NCAM1: variants seen among roughly 807,000 people sequenced by gnomAD.
The protein encoded by NCAM1 is antigen recognized by monoclonal antibody 5.1H11.
In NCAM1, 14 loss-of-function variants were observed where a neutral mutation model predicts 109.8. The observed-to-expected ratio is 0.13, with a 90% CI of 0.08 to 0.20. The LOEUF is 0.20. Among genes scored for constraint, NCAM1 ranks in the 10% least tolerant of loss-of-function variants. The pLI is 1.00. For missense variants in NCAM1, 774 were observed against 1,109.9 expected (o/e 0.70, Z 4.30); for synonymous variants, 418 against 442.9 (o/e 0.94, Z 0.70).
At chr11:113,197,684 A>G (rs763755329) in intron 1 of NCAM1, among the ~76,000 whole-genome samples, 4 of 152,176 alleles carry the variant, frequency 2.6e-5, no homozygotes, top group Non-Finnish European at 5.9e-5. Context: ...AGTATTTTCA[A>G]TTAGCCACGG....
intron 1 of NCAM1, among the ~76,000 whole-genome samples, chr11:113,043,568 C>T (rs1953153200): frequency 6.6e-6 from 1 of 152,166 alleles, no homozygotes. Context: ...AACTCCTGAC[C>T]TAGGTGATCT....
At chr11:113,153,473 A>AGAGT (rs782590400) in intron 1 of NCAM1, among the ~76,000 whole-genome samples, 2 of 148,862 alleles carry the variant, frequency 1.3e-5, no homozygotes, top group Middle Eastern at 3.4e-3. Flanking sequence ...AGAGAGAGAG[A>AGAGT]GAGTGTGTGT....
chr11:113,060,968 A>G lies in NCAM1; in HGVS notation c.52+99304A>G, dbSNP rs558052482. Among the ~76,000 whole-genome samples the G allele has an allele frequency of 3.3e-5, 5 of 152,270 alleles. No individual in the cohort carries two copies. The East Asian group carries it at 9.7e-4, about 29-fold the overall frequency. ...TCTCTTAGCAGAGTTTAAGTATATA[A>G]TACCATTTTGTTAGCTAGAGGCCCT... is the stretch of plus-strand genomic sequence containing the variant. On this transcript the variant is annotated intron_variant, in intron 1 of 19. Transcript: ENST00000316851.
At chr11:113,012,519 T>C (rs547118780) in intron 1 of NCAM1, among the ~76,000 whole-genome samples, 1 of 152,190 alleles carries the variant, frequency 6.6e-6, no homozygotes, top group Non-Finnish European at 1.5e-5. Flanking sequence ...TTATAGCATC[T>C]GGGGCCAGCA....
At chr11:113,198,550 T>G (rs1943927239) in intron 1 of NCAM1, among the ~76,000 whole-genome samples, 1 of 152,054 alleles carries the variant, frequency 6.6e-6, no homozygotes, top group Non-Finnish European at 1.5e-5. Flanking sequence ...TTTTTGTACT[T>G]TTAGTAGAGA....
Position 113,233,150 on chromosome 11 carries a change from C to G in NCAM1, c.1526C>G (p.Thr509Ser). The change falls in exon 13 of 20, where the codon ACC becomes AGC. Residue 509 changes from threonine to serine, a missense_variant. Physicochemically the swap from Thr to Ser is moderately conservative, Grantham distance 58. Transcript: ENST00000316851. This position sits in a 1 kb window ranked among gnomAD's most constrained non-coding sequence, Gnocchi z 4.5. ...TCCATATGTGTCTTCCCCACAGACACCCCCTCTTCACCATCCATCGACCAG... is the reference window on the plus strand; with the variant it reads ...TCCATATGTGTCTTCCCCACAGACAGCCCCTCTTCACCATCCATCGACCAG... ...SLEFILVQAD[T>S]PSSPSIDQVE... 2 of 1,612,296 alleles carry G rather than the reference C, an allele frequency of 1.2e-6. No homozygotes were observed. The highest frequency in any genetic ancestry group is 1.7e-6 in the Non-Finnish European group (2 of 1,179,570).
At chr11:113,108,769 AG>A (rs1940288443) in intron 1 of NCAM1, among the ~76,000 whole-genome samples, 2 of 143,680 alleles carry the variant, frequency 1.4e-5, no homozygotes, top group South Asian at 4.4e-4. Flanking sequence ...CATCCCTTGA[AG>A]GTTTTTTTTT....
In NCAM1 at chr11:113,260,049, G is replaced by T. The variant is rs1208333802; in HGVS notation, c.1954-97G>T. 24 of 1,085,206 alleles carry T rather than the reference G, an allele frequency of 2.2e-5. No homozygotes were observed. The East Asian group carries it at 5.8e-4, about 26-fold the overall frequency. The allele number at this position is 1,085,206 out of a possible 1,614,324, so 67.2% of individuals were successfully genotyped here. ...TCATGATTTCATGCCAAAAGTTATTGAGTCCCGTAAGTTTTGCCTATTGTC... is the reference window on the plus strand; with the variant it reads ...TCATGATTTCATGCCAAAAGTTATTTAGTCCCGTAAGTTTTGCCTATTGTC... On this transcript the variant is annotated intron_variant, in intron 16 of 19. Coordinates refer to ENST00000316851, the MANE Select transcript of NCAM1 (RefSeq NM_181351.5).
intron 1 of NCAM1, among the ~76,000 whole-genome samples, chr11:113,153,309 G>A (rs1555102821): frequency 6.6e-6 from 1 of 152,144 alleles, no homozygotes; most frequent in Non-Finnish European, 1.5e-5. Flanking sequence ...CCAAAGTGTT[G>A]GGATTACAGG....
At chr11:113,100,586 T>A (rs1470367625) in intron 1 of NCAM1, among the ~76,000 whole-genome samples, 1 of 152,116 alleles carries the variant, frequency 6.6e-6, no homozygotes, top group Non-Finnish European at 1.5e-5. Flanking sequence ...GAAGATAATC[T>A]TCCCCTGGAG....
intron 1 of NCAM1, among the ~76,000 whole-genome samples, chr11:113,083,244 A>C: frequency 6.6e-6 from 1 of 152,186 alleles, no homozygotes; most frequent in South Asian, 2.1e-4. Flanking sequence ...TCCTTATAAC[A>C]TACACTATCA....
intron 1 of NCAM1, among the ~76,000 whole-genome samples, chr11:113,183,136 G>T (rs1299628385): frequency 1.3e-5 from 2 of 152,158 alleles, no homozygotes; most frequent in African/African-American, 4.8e-5. Flanking sequence ...AATCCTGTGG[G>T]TGTTTGTAGG....
At chr11:113,204,754 G>A (rs1288145151) in intron 3 of NCAM1, among the ~76,000 whole-genome samples, 2 of 152,128 alleles carry the variant, frequency 1.3e-5, no homozygotes, top group Non-Finnish European at 1.5e-5. Context: ...GGGCTATTAC[G>A]GGTTTCTCTA....
chr11:113,085,729 C>A (rs1939051263), intron 1 of NCAM1, among the ~76,000 whole-genome samples: 1 of 152,100 alleles, frequency 6.6e-6, no homozygotes, highest in Non-Finnish European at 1.5e-5. Context: ...TTATGAGGAC[C>A]CTTAAAGAAG....
chr11:113,272,067 C>T (rs1388993654), intron 19 of NCAM1, among the ~76,000 whole-genome samples, 191 bp downstream of exon 19: 1 of 152,050 alleles, frequency 6.6e-6, no homozygotes, highest in South Asian at 2.1e-4. Flanking sequence ...GGTTCTATTT[C>T]GGTGGCTGTG....
At chr11:113,202,530 T>C in intron 2 of NCAM1, 77 bp downstream of exon 2, 1 of 1,327,366 alleles carries the variant, frequency 7.5e-7, no homozygotes, top group Non-Finnish European at 1.0e-6. Flanking sequence ...CCTCAGGCCA[T>C]GTGAGCTGGC....
At chr11:113,049,327 A>AGGTAATT (rs1953384492) in intron 1 of NCAM1, among the ~76,000 whole-genome samples, 1 of 152,144 alleles carries the variant, frequency 6.6e-6, no homozygotes, top group East Asian at 1.9e-4. Flanking sequence ...GGCCTGATTC[A>AGGTAATT]TCCTGATCTT....
chr11:113,079,207 G>A (rs562255013), intron 1 of NCAM1, among the ~76,000 whole-genome samples: 1 of 152,342 alleles, frequency 6.6e-6, no homozygotes, highest in Admixed American at 6.5e-5. Flanking sequence ...GTGTTGATGT[G>A]TTAAGCATGC....
intron 1 of NCAM1, among the ~76,000 whole-genome samples, chr11:113,150,044 G>T (rs1183550134): frequency 6.6e-6 from 1 of 152,116 alleles, no homozygotes; most frequent in Non-Finnish European, 1.5e-5. Context: ...AATCAAGGCA[G>T]CAGTGTACTC....
Sources: gnomAD v4.1 joint callset for allele counts (sites outside exome capture counted in the v4.1 genomes callset) on GRCh38, gnomAD v4.1.1 for gene constraint, Gnocchi (gnomAD v3.1) non-coding constraint, MANE v1.5 for transcripts, NCBI Gene and HGNC (gene_info 2026-07-23, HGNC 2026-07-21) for gene names.